The following PPP2R2D variants were observed in gnomAD, a reference collection of about 807,000 sequenced individuals.
PPP2R2D encodes serine/threonine-protein phosphatase 2A 55 kDa regulatory subunit B delta isoform.
PPP2R2D carries 9 observed loss-of-function variants against 31.1 expected under a neutral mutation model. The ratio of observed to expected loss-of-function variants is 0.29; its 90% CI spans 0.17 to 0.51. The LOEUF (loss-of-function observed/expected upper bound fraction) is 0.51, where lower values mean the gene tolerates loss of function less well. PPP2R2D is among the 20% of genes least tolerant of loss of function. The pLI is 0.98. For missense variants in PPP2R2D, 391 were observed against 465.6 expected, an observed-to-expected ratio of 0.84 and a Z score of 1.48; for synonymous variants, 179 against 172.6, an observed-to-expected ratio of 1.04 and a Z score of -0.29.
intron 5 of PPP2R2D, among the ~76,000 whole-genome samples, chr10:131,943,177 C>G (rs145526894): frequency 1.3e-5 from 2 of 152,154 alleles, no homozygotes; most frequent in African/African-American, 4.8e-5. Context: ...CGCCTGAGCT[C>G]TCACCTCTGA....
At position 131,901,111 on chromosome 10, in the gene PPP2R2D, G is replaced by C. The variant is rs1280417960; in HGVS notation, c.-38G>C. The C allele has an allele frequency of 4.4e-6, 1 of 229,068 alleles. No individual in the cohort carries two copies. The highest frequency in any genetic ancestry group is 9.4e-5 in the East Asian group (1 of 10,640). The allele number at this position is 229,068 out of a possible 1,614,324, so 14.2% of individuals were successfully genotyped here. ...CAGCGGCGCGGAGGCCGTCTCCCTG[G>C]TCTGCCGCGGTCCCCGCCCGTCCCG... On this transcript the variant is annotated 5_prime_UTR_variant, in exon 1 of 9. Coordinates refer to ENST00000455566, the MANE Select transcript of PPP2R2D (RefSeq NM_018461.5).
chr10:131,904,519 A>G (rs1032274112), intron 2 of PPP2R2D, among the ~76,000 whole-genome samples: 3 of 152,136 alleles, frequency 2.0e-5, no homozygotes, highest in Admixed American at 6.5e-5. Flanking sequence ...CAAAAAAAAA[A>G]AGAGAGATGG....
Position 131,947,895 on chromosome 10 carries a change from C to A in PPP2R2D, c.1082+104C>A. 1 of 1,412,606 alleles carries A rather than the reference C, an allele frequency of 7.1e-7. No homozygotes were observed. The highest frequency in any genetic ancestry group is 9.6e-7 in the Non-Finnish European group (1 of 1,036,444). 87.5% of individuals were successfully genotyped at this position (1,412,606 alleles called of 1,614,324 possible). Reference sequence around the variant, plus strand: ...TGTCCTCCAGCGTCAGAGGAGGACGCTCATAGGGTGTTGTTTTCCAGACCT... The same window carrying A: ...TGTCCTCCAGCGTCAGAGGAGGACGATCATAGGGTGTTGTTTTCCAGACCT... On this transcript the variant is annotated intron_variant, in intron 8 of 8. Transcript: ENST00000455566. This position sits in a 1 kb window ranked among gnomAD's most constrained non-coding sequence, Gnocchi z 4.3.
the PPP2R2D span, chr10:131,971,051 G>A: frequency 7.8e-7 from 1 of 1,279,728 alleles, no homozygotes; most frequent in Non-Finnish European, 1.1e-6. Flanking sequence ...CCGAGCTTCA[G>A]ATCCGCAGGC....
At chr10:131,909,169 G>T (rs2035644024) in intron 2 of PPP2R2D, among the ~76,000 whole-genome samples, 1 of 152,304 alleles carries the variant, frequency 6.6e-6, no homozygotes, top group Admixed American at 6.5e-5. Flanking sequence ...ACAGAGCATG[G>T]TATGTTCTGA....
At chr10:131,950,173 G>A (rs1274423338) in intron 8 of PPP2R2D, among the ~76,000 whole-genome samples, 2 of 152,098 alleles carry the variant, frequency 1.3e-5, no homozygotes, top group African/African-American at 4.8e-5. Context: ...AAGAAATGCG[G>A]GCTAAAGAGC....
chr10:131,904,079 C>T (rs910450501), intron 2 of PPP2R2D, among the ~76,000 whole-genome samples: 14,296 of 152,076 alleles, frequency 0.094, 821 homozygotes, highest in Non-Finnish European at 0.13. Context: ...CAGGGCCGGC[C>T]TGTAATTCCA....
Position 131,956,134 on chromosome 10 carries a change from C to T in PPP2R2D, c.*171C>T, listed in dbSNP as rs1420443349. 8.0e-6 allele frequency: 10 copies of T among 1,247,214 alleles called. No homozygotes were observed. The highest frequency in any genetic ancestry group is 4.6e-5 in the African/African-American group (3 of 64,846). 77.3% of individuals were successfully genotyped at this position (1,247,214 alleles called of 1,614,324 possible). A position where few individuals can be genotyped will look rare whatever the true frequency, so the allele number is the denominator to read the frequency against. ...CTGGAGGCCCGGTGTGGTTCCGCCT[C>T]GGCGAGGCGCGAGACAGGCGCTGCT... On this transcript the variant is annotated 3_prime_UTR_variant, in exon 9 of 9. Coordinates refer to ENST00000455566, the MANE Select transcript of PPP2R2D (RefSeq NM_018461.5).
At chr10:131,918,817 TGTGGGGACCTCACGG>T (rs2035891474) in intron 2 of PPP2R2D, among the ~76,000 whole-genome samples, 1 of 146,652 alleles carries the variant, frequency 6.8e-6, no homozygotes, top group African/African-American at 2.6e-5. Flanking sequence ...AATGACACAG[TGTGGGGACCTCACGG>T]GGGTGGAATG....
the PPP2R2D span, chr10:131,971,038 C>G: frequency 1.5e-5 from 21 of 1,424,372 alleles, no homozygotes; most frequent in South Asian, 4.7e-5. Flanking sequence ...ACCCAGCTCC[C>G]ACCCGAGCTT....
At chr10:131,927,807 ATGT>A (rs1218519069) in intron 2 of PPP2R2D, among the ~76,000 whole-genome samples, 3 of 152,206 alleles carry the variant, frequency 2.0e-5, no homozygotes, top group Non-Finnish European at 4.4e-5. Flanking sequence ...TTGCTGTGTG[ATGT>A]TCTGTTGTAT....
At chr10:131,941,234 A>T (rs2036435672) in intron 5 of PPP2R2D, among the ~76,000 whole-genome samples, 1 of 152,234 alleles carries the variant, frequency 6.6e-6, no homozygotes, top group Non-Finnish European at 1.5e-5. Context: ...CATTGTTGGT[A>T]GTATGAAATG....
At chr10:131,966,140 C>G in the PPP2R2D span, among the ~76,000 whole-genome samples, 1 of 152,156 alleles carries the variant, frequency 6.6e-6, no homozygotes, top group East Asian at 1.9e-4. Flanking sequence ...GAGGTGTTGC[C>G]GACTCCTCTC....
At chr10:131,917,548 C>A (rs2035835373) in intron 2 of PPP2R2D, among the ~76,000 whole-genome samples, 1 of 109,540 alleles carries the variant, frequency 9.1e-6, no homozygotes, top group African/African-American at 3.6e-5. Context: ...GGTGGAATGA[C>A]ACAGTGTTTG....
chr10:131,917,070 C>T (rs1463196610), intron 2 of PPP2R2D, among the ~76,000 whole-genome samples: 1 of 141,608 alleles, frequency 7.1e-6, no homozygotes, highest in Non-Finnish European at 1.5e-5. Context: ...GGTGGAATGA[C>T]ACAGTGTTTG....
At chr10:131,909,294 C>G (rs1057386633) in intron 2 of PPP2R2D, among the ~76,000 whole-genome samples, 17 of 152,152 alleles carry the variant, frequency 1.1e-4, no homozygotes, top group Non-Finnish European at 2.2e-4. Flanking sequence ...GCTCAGGACT[C>G]TGAGTGATTG....
Position 131,945,243 on chromosome 10 carries a change from CTAAT to C in PPP2R2D, c.656-48_656-45del. ...CCTATTTCGCGTGACTGAATGTAGA[CTAAT>C]TAACAACCAGCTGAGCTGAGCACTG... On this transcript the variant is annotated intron_variant, in intron 6 of 8. Transcript: ENST00000455566. The surrounding 1 kb of genome is among the most constrained non-coding windows in gnomAD (Gnocchi z 4.8). 5 of 1,571,518 alleles carry C rather than the reference CTAAT, an allele frequency of 3.2e-6. No individual in the cohort carries two copies. The highest frequency in any genetic ancestry group is 4.3e-6 in the Non-Finnish European group (5 of 1,153,812).
intron 2 of PPP2R2D, among the ~76,000 whole-genome samples, chr10:131,927,360 G>A (rs1338166290): frequency 6.6e-6 from 1 of 152,194 alleles, no homozygotes; most frequent in Non-Finnish European, 1.5e-5. Context: ...GGGATTGCAA[G>A]TTTCAGACTA....
At chr10:131,939,868 CTTT>C (rs79311795) in intron 3 of PPP2R2D, 160 bp from the exon 4 acceptor site, 2,473 of 325,952 alleles carry the variant, frequency 7.6e-3, no homozygotes, top group East Asian at 0.015. Context: ...CAAGTTCGTT[CTTT>C]TTTTTTTTTT....
Sources: allele counts gnomAD v4.1 joint callset (sites outside exome capture counted in the v4.1 genomes callset), GRCh38; gene constraint gnomAD v4.1.1; non-coding constraint Gnocchi (gnomAD v3.1); transcripts MANE v1.5; gene names NCBI Gene and HGNC (gene_info 2026-07-23, HGNC 2026-07-21).